The following NT5DC3 variants were observed in gnomAD, a reference collection of about 807,000 sequenced individuals.
NT5DC3 encodes 5'-nucleotidase domain-containing protein 3.
NT5DC3 carries 42 observed loss-of-function variants against 67.8 expected under a neutral mutation model. The observed-to-expected ratio is 0.62, with a 90% CI of 0.48 to 0.80. NT5DC3 has a LOEUF of 0.80. Among genes scored for constraint, NT5DC3 ranks in the 30% least tolerant of loss-of-function variants. NT5DC3 has a pLI of 0.00. For synonymous variants in NT5DC3, 237 were observed against 255.6 expected (o/e 0.93, Z 0.69); for missense variants, 570 against 696.4 (o/e 0.82, Z 2.04).
At chr12:103,838,221 A>G (rs1888233704) in intron 1 of NT5DC3, among the ~76,000 whole-genome samples, 1 of 152,236 alleles carries the variant, frequency 6.6e-6, no homozygotes, top group Non-Finnish European at 1.5e-5. Flanking sequence ...GGTCCCTCCC[A>G]AAGTACATGG....
chr12:103,792,935 T>C lies in NT5DC3; in HGVS notation c.1019+229A>G, dbSNP rs549207302. On this transcript the variant is annotated intron_variant, in intron 9 of 13. Transcript: ENST00000392876. ...AATCATTTTCTTCAAGCCTACCTCATGGGTCTGAAGTAGCTCAAGTTGAAC... is the reference window on the plus strand; with the variant it reads ...AATCATTTTCTTCAAGCCTACCTCACGGGTCTGAAGTAGCTCAAGTTGAAC... 2.6e-5 allele frequency among the ~76,000 whole-genome samples: 4 copies of C among 152,362 alleles called. No homozygotes were observed. The South Asian group carries it at 8.3e-4, about 32-fold the overall frequency.
At chr12:103,746,986 C>T in the NT5DC3 span, among the ~76,000 whole-genome samples, 1 of 125,872 alleles carries the variant, frequency 7.9e-6, no homozygotes, top group Admixed American at 9.4e-5. Context: ...GATGGACTTT[C>T]ACGCTTGTTG....
intron 1 of NT5DC3, among the ~76,000 whole-genome samples, chr12:103,837,490 T>C (rs1263335393): frequency 1.3e-5 from 2 of 152,262 alleles, no homozygotes; most frequent in Non-Finnish European, 1.5e-5. Flanking sequence ...TTCGGAGCTT[T>C]TATGCTCTGT....
At chr12:103,754,945 CA>C in the NT5DC3 span, 5,341 of 158,994 alleles carry the variant, frequency 0.034, 1 homozygote, top group South Asian at 0.063. Flanking sequence ...GACTCCACCT[CA>C]AAAAAAAAAA....
chr12:103,750,790 A>G, the NT5DC3 span: 1 of 1,509,198 alleles, frequency 6.6e-7, no homozygotes. Flanking sequence ...CCCTCAAGGG[A>G]AAGAAGAAAA....
chr12:103,796,902 C>CG lies in NT5DC3; in HGVS notation c.744_745insC (p.Asp249ArgfsTer20). On this transcript the variant is annotated frameshift_variant, in exon 6 of 14. Transcript: ENST00000392876. LOFTEE classifies it high-confidence loss of function. ...CTCACTGTGGATACAACCTTGACAT[C>CG]TTTGTACAGATGCACAGGCTCATAG... 6.2e-7 allele frequency: 1 copy of CG among 1,614,172 alleles called. No homozygotes were observed. Among genetic ancestry groups the CG allele is most frequent in the South Asian group, 1.1e-5 (1 of 91,086 alleles).
At chr12:103,764,807 G>GT in the NT5DC3 span, among the ~76,000 whole-genome samples, 1 of 151,974 alleles carries the variant, frequency 6.6e-6, no homozygotes, top group Admixed American at 6.6e-5. Flanking sequence ...CATTTCAAGG[G>GT]TAAGTTCGGG....
intron 1 of NT5DC3, among the ~76,000 whole-genome samples, chr12:103,826,154 A>G (rs1268786428): frequency 6.6e-6 from 1 of 152,230 alleles, no homozygotes; most frequent in Non-Finnish European, 1.5e-5. Context: ...AGTTACCAGC[A>G]TAATCTGGGA....
At chr12:103,806,422 T>C (rs2139390779) in intron 3 of NT5DC3, 45 bp from the exon 4 acceptor site, 2 of 1,389,508 alleles carry the variant, frequency 1.4e-6, no homozygotes, top group Non-Finnish European at 2.0e-6. Flanking sequence ...TGTATGACTA[T>C]TTGCATATTA....
chr12:103,816,084 A>G (rs1566121200), intron 1 of NT5DC3, among the ~76,000 whole-genome samples: 2 of 152,220 alleles, frequency 1.3e-5, no homozygotes, highest in African/African-American at 2.4e-5. Flanking sequence ...TCATGATCCT[A>G]CACTTTTTGA....
chr12:103,812,242 T>C (rs1156891773), intron 2 of NT5DC3, among the ~76,000 whole-genome samples: 3 of 152,202 alleles, frequency 2.0e-5, no homozygotes, highest in African/African-American at 4.8e-5. Context: ...AAGCGATGTC[T>C]TTCCATTTCT....
At chr12:103,836,696 G>A (rs1398078768) in intron 1 of NT5DC3, among the ~76,000 whole-genome samples, 5 of 152,262 alleles carry the variant, frequency 3.3e-5, no homozygotes, top group African/African-American at 7.2e-5. Flanking sequence ...ATTTTGGGAC[G>A]TGTGAATGTT....
At chr12:103,762,548 C>A in the NT5DC3 span, 1 of 1,216,228 alleles carries the variant, frequency 8.2e-7, no homozygotes. Context: ...ACCCACCCCA[C>A]GCTTACTGCT....
intron 1 of NT5DC3, among the ~76,000 whole-genome samples, chr12:103,824,921 T>C (rs1887629801): frequency 6.6e-6 from 1 of 152,190 alleles, no homozygotes; most frequent in Non-Finnish European, 1.5e-5. Flanking sequence ...AGGAAATCCT[T>C]TTCAATAAGC....
the NT5DC3 span, chr12:103,755,092 CAAGA>C: frequency 4.2e-4 from 251 of 594,638 alleles, 1 homozygote; most frequent in Non-Finnish European, 6.4e-4. Context: ...TGGGCACCTA[CAAGA>C]AAGAGAGGAC....
rs1231101932 is a variant in NT5DC3, at chr12:103,787,468, A to G, written c.1161T>C (p.Phe387=). 6.9e-6 allele frequency: 11 copies of G among 1,603,876 alleles called. No homozygotes were observed. In the Admixed American group the frequency reaches 1.7e-4, roughly 25 times the overall value. ...CCAGGTCACTGTATATATGGTCACC[A>G]AAATACAACACTCTGGATCCTCTCC... ...TGWRGSRVLY[F]GDHIYSDLAD... The change falls in exon 11 of 14, where the codon TTT becomes TTC. Residue 387 remains phenylalanine (F), a synonymous_variant. Coordinates refer to ENST00000392876, the MANE Select transcript of NT5DC3 (RefSeq NM_001031701.3).
chr12:103,762,168 G>C, the NT5DC3 span: 9,041 of 1,479,504 alleles, frequency 6.1e-3, 416 homozygotes, highest in African/African-American at 0.11. Context: ...TAACATGTCA[G>C]TATTTTTATC....
intron 1 of NT5DC3, among the ~76,000 whole-genome samples, chr12:103,820,566 G>A (rs1038037017): frequency 1.3e-5 from 2 of 152,166 alleles, no homozygotes; most frequent in Non-Finnish European, 2.9e-5. Context: ...TTAATGCTCA[G>A]AAATGCTAAA....
At chr12:103,840,810 G>C in intron 1 of NT5DC3, 139 bp downstream of exon 1, 1 of 399,210 alleles carries the variant, frequency 2.5e-6, no homozygotes, top group South Asian at 1.1e-4. Flanking sequence ...CCTGCGGCTG[G>C]GGGTGTGGGC....
Sources: allele counts gnomAD v4.1 joint callset (sites outside exome capture counted in the v4.1 genomes callset), GRCh38; gene constraint gnomAD v4.1.1; transcripts MANE v1.5; gene names NCBI Gene and HGNC (gene_info 2026-07-23, HGNC 2026-07-21).